SNRNP200: variants seen among roughly 807,000 people sequenced by gnomAD.
The protein encoded by SNRNP200 is U5 small nuclear ribonucleoprotein 200 kDa helicase.
Under a neutral mutation model 255.2 loss-of-function variants are expected in SNRNP200, and 66 were observed. The ratio of observed to expected loss-of-function variants is 0.26; its 90% confidence interval spans 0.21 to 0.32. The LOEUF (loss-of-function observed/expected upper bound fraction) is 0.32, where lower values mean the gene tolerates loss of function less well. Ranked by LOEUF, SNRNP200 falls within the 10% of genes least tolerant of loss-of-function variation. The probability of loss-of-function intolerance (pLI) is 1.00; values close to 1 mark genes in which losing one functional copy is unlikely to be tolerated. For synonymous variants in SNRNP200, 939 were observed against 1,027.8 expected (o/e 0.91, Z 1.65); for missense variants, 1,585 against 2,749.8 (o/e 0.58, Z 9.47).
intron 5 of SNRNP200, among the ~76,000 whole-genome samples, chr2:96,300,606 AT>A (rs1221537412): frequency 6.6e-6 from 1 of 152,078 alleles, no homozygotes; most frequent in Non-Finnish European, 1.5e-5. Flanking sequence ...CACTAAAAAT[AT>A]AAAAAATTAG....
chr2:96,280,195 G>C (rs1049993508), intron 35 of SNRNP200, among the ~76,000 whole-genome samples: 1 of 152,150 alleles, frequency 6.6e-6, no homozygotes, highest in African/African-American at 2.4e-5. Context: ...TGCATTTCAG[G>C]AAAAAGTTAT....
chr2:96,278,654 C>T lies in SNRNP200; in HGVS notation c.5381G>A (p.Ser1794Asn). 1.2e-6 allele frequency: 2 copies of T among 1,614,244 alleles called. No individual in the cohort carries two copies. Among genetic ancestry groups the T allele is most frequent in the Non-Finnish European group, 1.7e-6 (2 of 1,180,048 alleles). The part of the protein sequence containing the change: ...HLSELVEQTL[S>N]DLEQSKCISI... Reference sequence around the variant, plus strand: ...GATGCACTTGGACTGCTCCAGGTCACTCAGGGTCTGCTCCACCAGCTCTGA... The same window carrying T: ...GATGCACTTGGACTGCTCCAGGTCATTCAGGGTCTGCTCCACCAGCTCTGA... Residue 1794 changes from serine (S) to asparagine (N), a missense_variant, in exon 38 of 45, where the codon AGT (serine) becomes AAT (asparagine). Coordinates refer to ENST00000323853, the MANE Select transcript of SNRNP200 (RefSeq NM_014014.5). The surrounding 1 kb of genome is among the most constrained non-coding windows in gnomAD (Gnocchi z 6.9).
At position 96,290,459 on chromosome 2, in the gene SNRNP200, A is replaced by G. The variant is rs998496340; in HGVS notation, c.2609T>C (p.Ile870Thr). Residue 870 changes from isoleucine to threonine, a missense_variant, in exon 20 of 45, where the codon ATC (isoleucine) becomes ACC (threonine). Coordinates refer to ENST00000323853, the MANE Select transcript of SNRNP200 (RefSeq NM_014014.5). This position sits in a 1 kb window ranked among gnomAD's most constrained non-coding sequence, Gnocchi z 4.5. ...QYDTKGEGIL[I>T]TSHGELQYYL... ...GTACTGTAGCTCCCCATGAGATGTGATGAGTATGCCTTCACCCTTGGTGTC... is the reference window on the plus strand; with the variant it reads ...GTACTGTAGCTCCCCATGAGATGTGGTGAGTATGCCTTCACCCTTGGTGTC... 2 of 1,614,068 alleles carry G rather than the reference A, an allele frequency of 1.2e-6. No homozygotes were observed. Among genetic ancestry groups the G allele is most frequent in the African/African-American group, 1.3e-5 (1 of 74,926 alleles).
intron 13 of SNRNP200, 32 bp from the exon 14 acceptor site, chr2:96,295,690 G>A (rs771496474): frequency 1.2e-6 from 2 of 1,609,354 alleles, no homozygotes; most frequent in Admixed American, 1.7e-5. Context: ...AGGCAGGAAT[G>A]CTTGAAGGGG....
rs3214064 is a variant in SNRNP200, at chr2:96,274,912, G to A, written c.*100C>T. On this transcript the variant is annotated 3_prime_UTR_variant, in exon 45 of 45. Coordinates refer to ENST00000323853, the MANE Select transcript of SNRNP200 (RefSeq NM_014014.5). ...GCACCAGCCCTGGCTGGCCAGACCTGAGGCCCACAGACCTGGTCCCCACAA... is the reference window on the plus strand; with the variant it reads ...GCACCAGCCCTGGCTGGCCAGACCTAAGGCCCACAGACCTGGTCCCCACAA... 2.4e-4 allele frequency: 343 copies of A among 1,423,828 alleles called. 2 individuals carry two copies. In the East Asian group the frequency reaches 7.2e-3, roughly 30 times the overall value. 88.2% of individuals were successfully genotyped at this position (1,423,828 alleles called of 1,614,324 possible). A position where few individuals can be genotyped will look rare whatever the true frequency, so the allele number is the denominator to read the frequency against.
intron 43 of SNRNP200, 43 bp from the exon 44 acceptor site, chr2:96,275,392 A>G (rs753586015): frequency 2.6e-6 from 4 of 1,530,724 alleles, no homozygotes; most frequent in Non-Finnish European, 3.6e-6. Context: ...GTAAAACTTG[A>G]TGACCATAGG....
chr2:96,284,657 C>T (rs2063831714), intron 30 of SNRNP200, 72 bp from the exon 31 acceptor site: 1 of 1,066,502 alleles, frequency 9.4e-7, no homozygotes, highest in Non-Finnish European at 1.5e-6. Context: ...TGAGGAAAAC[C>T]TGAGATGCCA....
At chr2:96,285,041 C>T (rs563155100) in intron 30 of SNRNP200, 139 bp downstream of exon 30, 61 of 1,041,360 alleles carry the variant, frequency 5.9e-5, no homozygotes, top group Middle Eastern at 4.0e-4. Flanking sequence ...TGAGCCACCA[C>T]GCTTGGCTGG....
Position 96,305,541 on chromosome 2 carries a change from C to G in SNRNP200, c.-104G>C. The stretch of plus-strand genomic sequence containing the variant: ...CCGCGCCGGAACGACGCAGGAAAGA[C>G]GCACTGGGGAAGGAAAAGAAACGGG... On this transcript the variant is annotated 5_prime_UTR_variant, in exon 1 of 45. Coordinates refer to ENST00000323853, the MANE Select transcript of SNRNP200 (RefSeq NM_014014.5). The G allele has an allele frequency of 6.7e-7, 1 of 1,494,172 alleles. No homozygotes were observed. Among genetic ancestry groups the G allele is most frequent in the Admixed American group, 1.7e-5 (1 of 58,408 alleles). 92.6% of individuals were successfully genotyped at this position (1,494,172 alleles called of 1,614,324 possible).
chr2:96,298,237 C>G (rs1455683923), intron 9 of SNRNP200, 47 bp downstream of exon 9: 1 of 1,613,466 alleles, frequency 6.2e-7, no homozygotes, highest in South Asian at 1.1e-5. Context: ...AATCTTCTAG[C>G]CACCGTTAGC....
chr2:96,297,794 C>G (rs1202881352), intron 9 of SNRNP200, 74 bp from the exon 10 acceptor site: 1 of 1,520,462 alleles, frequency 6.6e-7, no homozygotes, highest in African/African-American at 1.4e-5. Context: ...TCTGCCCCTG[C>G]TTAGCTAATA....
Position 96,277,346 on chromosome 2 carries a change from C to T in SNRNP200, c.5932-105G>A. 1 of 1,349,992 alleles carries T rather than the reference C, an allele frequency of 7.4e-7. No individual in the cohort carries two copies. Among genetic ancestry groups the T allele is most frequent in the Admixed American group, 1.7e-5 (1 of 58,046 alleles). 83.6% of individuals were successfully genotyped at this position (1,349,992 alleles called of 1,614,324 possible). A position where few individuals can be genotyped will look rare whatever the true frequency, so the allele number is the denominator to read the frequency against. ...TTTACCTCCTACACTATCAAGTCAT[C>T]TAGATAAAACAGCTGCAGAAAGAAC... On this transcript the variant is annotated intron_variant, in intron 41 of 44. Transcript: ENST00000323853. This position sits in a 1 kb window ranked among gnomAD's most constrained non-coding sequence, Gnocchi z 4.4.
At position 96,290,228 on chromosome 2, in the gene SNRNP200, G is replaced by A. The variant is rs898035818; in HGVS notation, c.2742+98C>T. 59 of 1,339,556 alleles carry A rather than the reference G, an allele frequency of 4.4e-5. 2 individuals carry two copies. The highest frequency in any genetic ancestry group is 2.1e-4 in the South Asian group (18 of 84,938). 83.0% of individuals were successfully genotyped at this position (1,339,556 alleles called of 1,614,324 possible). Reference sequence around the variant, plus strand: ...TGTGGGTGCAGGGATGGAAGGCCTCGGACGCTGCTGGCCCGCAGCACAATA... The same window carrying A: ...TGTGGGTGCAGGGATGGAAGGCCTCAGACGCTGCTGGCCCGCAGCACAATA... On this transcript the variant is annotated intron_variant, in intron 20 of 44. Transcript: ENST00000323853. This position sits in a 1 kb window ranked among gnomAD's most constrained non-coding sequence, Gnocchi z 4.5.
In SNRNP200 at chr2:96,304,885, A is replaced by T. The variant is rs777571715; in HGVS notation, c.46-17T>A. ...ATTCGAGTTCTGAAAAGATCAAAAC[A>T]TTATTGAAGCTTTGACATGAGCAGG... On this transcript the variant is annotated splice_polypyrimidine_tract_variant and intron_variant, in intron 1 of 44. Transcript: ENST00000323853. 1 of 1,612,974 alleles carries T rather than the reference A, an allele frequency of 6.2e-7. No individual in the cohort carries two copies. The highest frequency in any genetic ancestry group is 1.7e-5 in the Admixed American group (1 of 59,824).
At position 96,274,883 on chromosome 2, in the gene SNRNP200, G is replaced by A. The variant is rs1429752015; in HGVS notation, c.*129C>T. 4.0e-6 allele frequency: 4 copies of A among 1,008,838 alleles called. No homozygotes were observed. Among genetic ancestry groups the A allele is most frequent in the Non-Finnish European group, 6.2e-6 (4 of 640,242 alleles). 62.5% of individuals were successfully genotyped at this position (1,008,838 alleles called of 1,614,324 possible). A position where few individuals can be genotyped will look rare whatever the true frequency, so the allele number is the denominator to read the frequency against. On this transcript the variant is annotated 3_prime_UTR_variant, in exon 45 of 45. Coordinates refer to ENST00000323853, the MANE Select transcript of SNRNP200 (RefSeq NM_014014.5). ...GGGAAAGGAAGTGGAGGTAGGCGGG[G>A]ACAGCACCAGCCCTGGCTGGCCAGA... is the stretch of plus-strand genomic sequence containing the variant.
At chr2:96,299,812 C>T (rs1451485381) in intron 5 of SNRNP200, among the ~76,000 whole-genome samples, 1 of 152,206 alleles carries the variant, frequency 6.6e-6, no homozygotes, top group Admixed American at 6.5e-5. Flanking sequence ...CTGCTCACCA[C>T]TCTATTTACT....
chr2:96,289,723 G>C (rs371727229), intron 21 of SNRNP200, 76 bp downstream of exon 21: 8 of 1,323,526 alleles, frequency 6.0e-6, no homozygotes, highest in Non-Finnish European at 8.7e-6. Context: ...CACATCAAGA[G>C]AGCAATCTGA....
At chr2:96,296,825 C>T (rs2063919937) in intron 12 of SNRNP200, 108 bp downstream of exon 12, 8 of 1,421,672 alleles carry the variant, frequency 5.6e-6, no homozygotes, top group Non-Finnish European at 7.9e-6. Flanking sequence ...ACCTCTCTTC[C>T]ATCAAAGGAC....
Position 96,283,076 on chromosome 2 carries a change from T to G in SNRNP200, c.4915+125A>C. 7.9e-7 allele frequency: 1 copy of G among 1,263,268 alleles called. No individual in the cohort carries two copies. The allele number at this position is 1,263,268 out of a possible 1,614,324, so 78.3% of individuals were successfully genotyped here. On this transcript the variant is annotated intron_variant, in intron 34 of 44. Transcript: ENST00000323853. This position sits in a 1 kb window ranked among gnomAD's most constrained non-coding sequence, Gnocchi z 4.7. Reference sequence around the variant, plus strand: ...GATCAAATGAGTTAACAGCCAAGAGTCCTAAACAGTATTTTGAAAATCTCT... The same window carrying G: ...GATCAAATGAGTTAACAGCCAAGAGGCCTAAACAGTATTTTGAAAATCTCT...
Sources: gnomAD v4.1 joint callset for allele counts (sites outside exome capture counted in the v4.1 genomes callset) on GRCh38, gnomAD v4.1.1 for gene constraint, Gnocchi (gnomAD v3.1) non-coding constraint, MANE v1.5 for transcripts, NCBI Gene and HGNC (gene_info 2026-07-23, HGNC 2026-07-21) for gene names.